The following RPS9 variants were observed in gnomAD, a reference collection of about 807,000 sequenced individuals.
The protein encoded by RPS9 is small ribosomal subunit protein uS4.
Under a neutral mutation model 16.9 loss-of-function variants are expected in RPS9, and 1 was observed. That is an observed-to-expected ratio of 0.06 (90% CI 0.02 to 0.28). RPS9 has a LOEUF of 0.28. RPS9 is among the 10% of genes least tolerant of loss of function. The pLI is 1.00. For missense variants in RPS9, 137 were observed against 273.2 expected (o/e 0.50, Z 3.51); for synonymous variants, 106 against 110.9 (o/e 0.96, Z 0.28).
At chr19:54,204,370 A>G (rs1568896318) in intron 3 of RPS9, among the ~76,000 whole-genome samples, 1 of 152,228 alleles carries the variant, frequency 6.6e-6, no homozygotes, top group East Asian at 1.9e-4. Flanking sequence ...TGTCTCAAAA[A>G]TGATAATAAA....
chr19:54,207,108 T>G (rs945479277), intron 4 of RPS9: 18 of 479,026 alleles, frequency 3.8e-5, no homozygotes, highest in African/African-American at 3.5e-4. Context: ...ACTCGGAACT[T>G]GGGGGCTCTC....
Position 54,206,203 on chromosome 19 carries a change from G to A in RPS9, c.221-73G>A, listed in dbSNP as rs1370081732. 5 of 1,483,674 alleles carry A rather than the reference G, an allele frequency of 3.4e-6. No homozygotes were observed. The African/African-American group carries it at 6.9e-5, about 21-fold the overall frequency. The allele number at this position is 1,483,674 out of a possible 1,614,324, so 91.9% of individuals were successfully genotyped here. ...CGCCGCGGCATGGAGCTACCAAGAG[G>A]CGGAGCCAGGATTTGAACCCAAGAA... On this transcript the variant is annotated intron_variant, in intron 3 of 4. Transcript: ENST00000302907.
chr19:54,207,145 T>G, intron 4 of RPS9: 1 of 528,700 alleles, frequency 1.9e-6, no homozygotes. Flanking sequence ...TGCTTTGTGG[T>G]CTTAGGTGGG....
chr19:54,202,960 AGTGCTG>A, intron 3 of RPS9: 1 of 966,364 alleles, frequency 1.0e-6, no homozygotes, highest in Middle Eastern at 5.3e-4. Flanking sequence ...AGCTTTCCAA[AGTGCTG>A]GGGTTACAGG....
chr19:54,203,409 G>A (rs2077128836), intron 3 of RPS9: 4 of 630,844 alleles, frequency 6.3e-6, no homozygotes, highest in East Asian at 1.4e-4. Context: ...TGTGACTAGC[G>A]AGATTCTGAG....
intron 4 of RPS9, chr19:54,206,761 C>T: frequency 6.9e-7 from 1 of 1,441,958 alleles, no homozygotes; most frequent in Non-Finnish European, 9.1e-7. Context: ...AGGGAGAGAA[C>T]CAGCCTCACC....
At chr19:54,206,984 G>A (rs2077264087) in intron 4 of RPS9, 1 of 439,602 alleles carries the variant, frequency 2.3e-6, no homozygotes. Context: ...GCAGAGCCTT[G>A]TGTGTCAATG....
intron 1 of RPS9, 59 bp downstream of exon 1, chr19:54,200,947 TC>T (rs2077020681): frequency 5.7e-6 from 8 of 1,396,306 alleles, no homozygotes; most frequent in Non-Finnish European, 7.4e-6. Context: ...GCCCGGGCCT[TC>T]CGAGTTTCCA....
chr19:54,206,186 C>A, intron 3 of RPS9, 90 bp from the exon 4 acceptor site: 1 of 1,333,978 alleles, frequency 7.5e-7, no homozygotes, highest in Non-Finnish European at 1.0e-6. Context: ...ACCGCCGCGG[C>A]ATGGAGCTAC....
intron 4 of RPS9, 94 bp from the exon 5 acceptor site, chr19:54,207,304 C>T: frequency 9.2e-7 from 1 of 1,091,076 alleles, no homozygotes; most frequent in Admixed American, 2.2e-5. Context: ...GCCGTGGCGG[C>T]CTCACGGGGT....
intron 3 of RPS9, among the ~76,000 whole-genome samples, chr19:54,204,157 A>C (rs896118667): frequency 6.6e-6 from 1 of 152,130 alleles, no homozygotes; most frequent in Non-Finnish European, 1.5e-5. Context: ...AGGCAGGCGG[A>C]TCACCCGAGG....
intron 1 of RPS9, 24 bp from the exon 2 acceptor site, chr19:54,201,136 C>G (rs76193453): frequency 1.2e-5 from 19 of 1,611,990 alleles, no homozygotes; most frequent in East Asian, 6.7e-5. Flanking sequence ...GGATCCCTTA[C>G]GCTCACACTT....
intron 3 of RPS9, 84 bp from the exon 4 acceptor site, chr19:54,206,192 G>T (rs964593522): frequency 1.1e-5 from 16 of 1,395,818 alleles, no homozygotes; most frequent in Non-Finnish European, 1.6e-5. Flanking sequence ...GCGGCATGGA[G>T]CTACCAAGAG....
At chr19:54,205,627 T>C (rs1473392598) in intron 3 of RPS9, among the ~76,000 whole-genome samples, 1 of 152,098 alleles carries the variant, frequency 6.6e-6, no homozygotes, top group Non-Finnish European at 1.5e-5. Context: ...ACGGTGGTAG[T>C]AGCTTAATAG....
chr19:54,202,876 T>C (rs1481698264), intron 3 of RPS9: 3 of 985,170 alleles, frequency 3.0e-6, no homozygotes, highest in Non-Finnish European at 3.6e-6. Context: ...GCTTTTTCTT[T>C]AAATAGGCAC....
At position 54,201,150 on chromosome 19, in the gene RPS9, T is replaced by G. The variant is rs775492887; in HGVS notation, c.-25-10T>G. 4 of 1,612,410 alleles carry G rather than the reference T, an allele frequency of 2.5e-6. No individual in the cohort carries two copies. In the South Asian group the frequency reaches 4.4e-5, roughly 18 times the overall value. ...TGGATCCCTTACGCTCACACTTCTCTCCCGCGCAGGCGCAGACGGGGAAGC... is the reference window on the plus strand; with the variant it reads ...TGGATCCCTTACGCTCACACTTCTCGCCCGCGCAGGCGCAGACGGGGAAGC... On this transcript the variant is annotated splice_polypyrimidine_tract_variant and intron_variant, in intron 1 of 4. Coordinates refer to ENST00000302907, the MANE Select transcript of RPS9 (RefSeq NM_001013.4).
chr19:54,201,115 A>C, intron 1 of RPS9, 45 bp from the exon 2 acceptor site: 3 of 1,609,610 alleles, frequency 1.9e-6, no homozygotes, highest in Non-Finnish European at 2.5e-6. Flanking sequence ...GGGACTGCGC[A>C]GGCGCCGTTT....
intron 3 of RPS9, among the ~76,000 whole-genome samples, chr19:54,203,569 CAG>C (rs1158066762): frequency 6.6e-6 from 1 of 151,992 alleles, no homozygotes; most frequent in African/African-American, 2.4e-5. Context: ...GACCTCAAGT[CAG>C]AGACCAGCCT....
intron 4 of RPS9, chr19:54,206,792 G>T: frequency 7.3e-7 from 1 of 1,366,906 alleles, no homozygotes; most frequent in Non-Finnish European, 9.7e-7. Context: ...GGTGGGTTCA[G>T]CTGTCTCCTG....
Sources: allele counts gnomAD v4.1 joint callset (sites outside exome capture counted in the v4.1 genomes callset), GRCh38; gene constraint gnomAD v4.1.1; transcripts MANE v1.5; gene names NCBI Gene and HGNC (gene_info 2026-07-23, HGNC 2026-07-21).